The following KDM4B variants were observed in gnomAD, a reference collection of about 807,000 sequenced individuals.
KDM4B encodes lysine-specific demethylase 4B.
In KDM4B, 32 loss-of-function variants were observed where a neutral mutation model predicts 125.2. The observed-to-expected ratio is 0.26, with a 90% CI of 0.19 to 0.34. KDM4B has a LOEUF of 0.34. KDM4B is among the 10% of genes least tolerant of loss of function. KDM4B has a pLI of 1.00. For missense variants in KDM4B, 1,190 were observed against 1,577.7 expected, an observed-to-expected ratio of 0.75 and a Z score of 4.16; for synonymous variants, 721 against 677.9, an observed-to-expected ratio of 1.06 and a Z score of -0.99.
At chr19:5,059,079 T>A (rs1257383360) in intron 6 of KDM4B, among the ~76,000 whole-genome samples, 2 of 151,532 alleles carry the variant, frequency 1.3e-5, no homozygotes, top group Non-Finnish European at 2.9e-5. Context: ...TGACCCAGAG[T>A]CGCCCGCCCA....
At chr19:5,147,839 G>C in intron 21 of KDM4B, among the ~76,000 whole-genome samples, 1 of 151,860 alleles carries the variant, frequency 6.6e-6, no homozygotes, top group South Asian at 2.1e-4. Flanking sequence ...AAGCCAGCAA[G>C]CCACCGTGGA....
chr19:5,014,257 A>G (rs908558716), intron 1 of KDM4B, among the ~76,000 whole-genome samples: 2 of 152,138 alleles, frequency 1.3e-5, no homozygotes, highest in Admixed American at 6.5e-5. Context: ...GGCACATGCT[A>G]CCACACCCGG....
At chr19:4,988,093 G>A (rs1174003956) in intron 1 of KDM4B, among the ~76,000 whole-genome samples, 3 of 152,174 alleles carry the variant, frequency 2.0e-5, no homozygotes, top group African/African-American at 4.8e-5. Flanking sequence ...CGAGCAAAGC[G>A]GTGCAGGGGC....
chr19:5,092,944 C>T (rs1392689352), intron 9 of KDM4B, among the ~76,000 whole-genome samples: 4 of 152,178 alleles, frequency 2.6e-5, no homozygotes, highest in African/African-American at 9.6e-5. Flanking sequence ...CCCCTGTACC[C>T]CTGACCACAT....
chr19:5,143,016 A>G (rs111399688), intron 18 of KDM4B, among the ~76,000 whole-genome samples: 406 of 152,142 alleles, frequency 2.7e-3, no homozygotes, highest in African/African-American at 9.3e-3. Flanking sequence ...GGCTTCTCTC[A>G]GGGCTTCTTA....
At chr19:5,144,225 C>T (rs748014950) in intron 19 of KDM4B, 23 bp from the exon 20 acceptor site, 2 of 1,592,658 alleles carry the variant, frequency 1.3e-6, no homozygotes, top group South Asian at 1.1e-5. Context: ...TGACCGCCCC[C>T]CACACCCTCC....
At chr19:5,019,128 ATGTTGGTGTGCAGGTGTTGGTGTGGG>A (rs1436039352) in intron 2 of KDM4B, among the ~76,000 whole-genome samples, 2,542 of 116,574 alleles carry the variant, frequency 0.022, 81 homozygotes, top group South Asian at 0.075. Context: ...GTTGGTGTGG[ATGTTGGTGTGCAGGTGTTGGTGTGGG>A]TGTTGGTGTG....
chr19:5,137,425 C>T (rs2039668406), intron 16 of KDM4B, 87 bp downstream of exon 16: 1 of 1,343,260 alleles, frequency 7.4e-7, no homozygotes, highest in Non-Finnish European at 1.0e-6. Context: ...GGCGTAGTCT[C>T]CCCTCCGTGG....
intron 11 of KDM4B, among the ~76,000 whole-genome samples, chr19:5,127,643 C>T (rs937447115): frequency 2.0e-5 from 3 of 152,188 alleles, no homozygotes; most frequent in Admixed American, 6.5e-5. Context: ...CTGGTCCCTC[C>T]GGGAGACAGA....
intron 5 of KDM4B, among the ~76,000 whole-genome samples, chr19:5,045,179 T>G (rs2036985695): frequency 6.6e-6 from 1 of 152,164 alleles, no homozygotes; most frequent in Non-Finnish European, 1.5e-5. Flanking sequence ...CGAATGAACG[T>G]TCCCAGGGCC....
chr19:5,139,639 A>G (rs988108418), intron 18 of KDM4B, among the ~76,000 whole-genome samples: 8 of 152,136 alleles, frequency 5.3e-5, no homozygotes, highest in African/African-American at 1.7e-4. Context: ...TGGTCTCGCT[A>G]TGGTTTGATT....
intron 1 of KDM4B, among the ~76,000 whole-genome samples, chr19:5,009,490 C>G (rs1021075913): frequency 6.6e-6 from 1 of 152,158 alleles, no homozygotes; most frequent in Admixed American, 6.5e-5. Context: ...CGGCCTGACT[C>G]TCCTCTTCCA....
intron 9 of KDM4B, among the ~76,000 whole-genome samples, chr19:5,106,265 T>C (rs537773985): frequency 3.0e-4 from 45 of 152,240 alleles, no homozygotes; most frequent in Admixed American, 4.6e-4. Context: ...TGTGTGTGTG[T>C]GCGCGCGCGT....
intron 9 of KDM4B, among the ~76,000 whole-genome samples, chr19:5,105,063 G>A (rs945088709): frequency 6.6e-6 from 1 of 152,226 alleles, no homozygotes; most frequent in African/African-American, 2.4e-5. Flanking sequence ...AGGCTGAGGT[G>A]CAAATGGCCC....
intron 9 of KDM4B, among the ~76,000 whole-genome samples, chr19:5,108,580 AG>A (rs1213901911): frequency 6.6e-6 from 1 of 152,172 alleles, no homozygotes; most frequent in Non-Finnish European, 1.5e-5. Flanking sequence ...AGTGTCTCCA[AG>A]CAAAGTGTGG....
At position 5,129,116 on chromosome 19, in the gene KDM4B, C is replaced by T. The variant is rs529522431; in HGVS notation, c.1316-1960C>T. Among the ~76,000 whole-genome samples the T allele has an allele frequency of 2.0e-5, 3 of 152,290 alleles. No individual in the cohort carries two copies. The South Asian group carries it at 6.2e-4, about 32-fold the overall frequency. The stretch of plus-strand genomic sequence containing the variant: ...TTCTTGAGAAACAGGTGGGCGTGTG[C>T]CTGCCAAGGACACCGTGGGCGGTCC... On this transcript the variant is annotated intron_variant, in intron 11 of 22. Coordinates refer to ENST00000159111, the MANE Select transcript of KDM4B (RefSeq NM_015015.3).
At chr19:5,036,762 T>C (rs1232507818) in intron 3 of KDM4B, among the ~76,000 whole-genome samples, 1 of 152,244 alleles carries the variant, frequency 6.6e-6, no homozygotes, top group East Asian at 1.9e-4. Flanking sequence ...GTGCCTCCTT[T>C]TCAACCCTCC....
intron 2 of KDM4B, among the ~76,000 whole-genome samples, chr19:5,027,217 G>A (rs1400785349): frequency 6.6e-6 from 1 of 152,284 alleles, no homozygotes; most frequent in Non-Finnish European, 1.5e-5. Flanking sequence ...CCACATCTGT[G>A]TATTTGTGCC....
chr19:5,084,081 TA>T (rs2038390526), intron 9 of KDM4B, among the ~76,000 whole-genome samples: 1 of 151,868 alleles, frequency 6.6e-6, no homozygotes, highest in Admixed American at 6.6e-5. Context: ...ACCCTGTCTC[TA>T]CTAAAAACAC....
Sources: allele counts gnomAD v4.1 joint callset (sites outside exome capture counted in the v4.1 genomes callset), GRCh38; gene constraint gnomAD v4.1.1; transcripts MANE v1.5; gene names NCBI Gene and HGNC (gene_info 2026-07-23, HGNC 2026-07-21).